PKP1: variants seen among roughly 807,000 people sequenced by gnomAD.
PKP1 encodes the protein plakophilin-1.
Under a neutral mutation model 76.4 loss-of-function variants are expected in PKP1, and 27 were observed. The observed-to-expected ratio is 0.35, with a 90% CI of 0.26 to 0.49. PKP1 has a LOEUF of 0.49. Among genes scored for constraint, PKP1 ranks in the 20% least tolerant of loss-of-function variants. The pLI, the probability that PKP1 is intolerant of heterozygous loss-of-function variation, is 0.99. For synonymous variants in PKP1, 404 were observed against 384.2 expected (o/e 1.05, Z -0.60); for missense variants, 964 against 955.2 (o/e 1.01, Z -0.12).
chr1:201,313,159 T>G lies in PKP1; in HGVS notation c.307-7T>G. On this transcript the variant is annotated splice_polypyrimidine_tract_variant and splice_region_variant and intron_variant, in intron 2 of 13. Transcript: ENST00000367324. Reference sequence around the variant, plus strand: ...TTGACTGAGCTTTTCTCCCTTTCCCTGGCCAGATCTACAATGGAACCCTCA... The same window carrying G: ...TTGACTGAGCTTTTCTCCCTTTCCCGGGCCAGATCTACAATGGAACCCTCA... 6.2e-7 allele frequency: 1 copy of G among 1,609,592 alleles called. No individual in the cohort carries two copies. The highest frequency in any genetic ancestry group is 8.5e-7 in the Non-Finnish European group (1 of 1,178,440).
At chr1:201,292,215 G>A (rs760556307) in intron 1 of PKP1, among the ~76,000 whole-genome samples, 8 of 152,084 alleles carry the variant, frequency 5.3e-5, no homozygotes, top group African/African-American at 1.2e-4. Context: ...AGGAGGAGTC[G>A]GCTCCTCTGA....
chr1:201,321,128 C>T (rs1427854207), intron 7 of PKP1, among the ~76,000 whole-genome samples: 11 of 152,138 alleles, frequency 7.2e-5, no homozygotes, highest in African/African-American at 2.2e-4. Flanking sequence ...AGCACAGTTG[C>T]CGTAAGGAGG....
At chr1:201,285,476 C>T (rs1310737295) in intron 1 of PKP1, among the ~76,000 whole-genome samples, 1 of 152,178 alleles carries the variant, frequency 6.6e-6, no homozygotes, top group African/African-American at 2.4e-5. Context: ...GATCATGCCA[C>T]CTCCAGAGCA....
chr1:201,327,989 G>A (rs895886679), intron 12 of PKP1, among the ~76,000 whole-genome samples: 1 of 152,206 alleles, frequency 6.6e-6, no homozygotes, highest in African/African-American at 2.4e-5. Context: ...AAAGACAGGA[G>A]GGGCAGGGCT....
chr1:201,320,423 C>G, intron 7 of PKP1, 42 bp downstream of exon 7: 6 of 1,306,074 alleles, frequency 4.6e-6, no homozygotes, highest in Non-Finnish European at 6.7e-6. Context: ...CTAGGCCCAG[C>G]CCCCTACATT....
chr1:201,312,468 C>G (rs1656584228), intron 2 of PKP1, among the ~76,000 whole-genome samples: 1 of 152,160 alleles, frequency 6.6e-6, no homozygotes, highest in South Asian at 2.1e-4. Flanking sequence ...TCTGGGCCTC[C>G]AACTCCCCCT....
intron 2 of PKP1, 152 bp downstream of exon 2, chr1:201,294,197 C>A: frequency 1.4e-6 from 1 of 694,458 alleles, no homozygotes; most frequent in Non-Finnish European, 2.7e-6. Context: ...GGTCTGTTGA[C>A]TTGGCCATTG....
intron 5 of PKP1, 58 bp downstream of exon 5, chr1:201,317,837 G>A (rs1656809851): frequency 2.0e-6 from 3 of 1,511,540 alleles, no homozygotes; most frequent in Non-Finnish European, 2.7e-6. Flanking sequence ...CACTGGCTAT[G>A]GCCCCAGGCT....
At chr1:201,289,663 C>A (rs1655852791) in intron 1 of PKP1, among the ~76,000 whole-genome samples, 1 of 149,410 alleles carries the variant, frequency 6.7e-6, no homozygotes, top group Non-Finnish European at 1.5e-5. Context: ...TTGGGGAGAC[C>A]CAGGCCCTAC....
In PKP1 at chr1:201,313,445, A is replaced by C; in HGVS notation, c.586A>C (p.Ile196Leu). Residue 196 changes from isoleucine to leucine, a missense_variant, in exon 3 of 14, where the codon ATA becomes CTA. Transcript: ENST00000367324. ...FYSTCSGQKA[I>L]KKCPVRPPSC... ...CAGCACCTGCAGTGGTCAGAAGGCC[A>C]TAAAGAAGTGCCCTGTGCGCCCGCC... 3 of 1,606,026 alleles carry C rather than the reference A, an allele frequency of 1.9e-6. No individual in the cohort carries two copies. The South Asian group carries it at 3.4e-5, about 18-fold the overall frequency.
At chr1:201,291,056 G>A (rs1655901634) in intron 1 of PKP1, among the ~76,000 whole-genome samples, 1 of 152,172 alleles carries the variant, frequency 6.6e-6, no homozygotes, top group Non-Finnish European at 1.5e-5. Context: ...TGCTCTTACA[G>A]ACAGAGCACA....
chr1:201,320,403 AC>A, intron 7 of PKP1, 22 bp downstream of exon 7: 1 of 1,491,780 alleles, frequency 6.7e-7, no homozygotes, highest in South Asian at 1.1e-5. Flanking sequence ...CCCTGGTGGC[AC>A]CCTGACCCCT....
At chr1:201,323,322 T>C in intron 9 of PKP1, 133 bp downstream of exon 9, 1 of 822,244 alleles carries the variant, frequency 1.2e-6, no homozygotes, top group South Asian at 1.4e-5. Flanking sequence ...GCCTGGCATA[T>C]GCTGGGCTCT....
At chr1:201,312,223 C>T (rs998058866) in intron 2 of PKP1, among the ~76,000 whole-genome samples, 7 of 152,312 alleles carry the variant, frequency 4.6e-5, no homozygotes, top group Admixed American at 2.6e-4. Context: ...GACCTGTTAC[C>T]CTTTGCTTCT....
In PKP1 at chr1:201,317,661, C is replaced by G; in HGVS notation, c.936C>G (p.Arg312=). 6.2e-7 allele frequency: 1 copy of G among 1,614,026 alleles called. No homozygotes were observed. Among genetic ancestry groups the G allele is most frequent in the South Asian group, 1.1e-5 (1 of 91,080 alleles). Residue 312 remains arginine (R), a synonymous_variant, in exon 5 of 14, where the codon CGC becomes CGG. Transcript: ENST00000367324. ...AGCAGGCCGCGGCAGGGGCCCTGCG[C>G]AACCTGGTGTTCAGGAGCACCACCA... ...NVQQAAAGAL[R]NLVFRSTTNK... is the part of the protein sequence containing the mutation.
intron 5 of PKP1, among the ~76,000 whole-genome samples, chr1:201,318,373 G>A (rs1179166469): frequency 2.0e-5 from 3 of 152,206 alleles, no homozygotes; most frequent in Non-Finnish European, 2.9e-5. Flanking sequence ...CTTTCCACAT[G>A]CATAATTTTG....
chr1:201,317,026 C>T (rs1311328749), intron 4 of PKP1, among the ~76,000 whole-genome samples: 1 of 152,160 alleles, frequency 6.6e-6, no homozygotes, highest in African/African-American at 2.4e-5. Context: ...AACTCCTGCC[C>T]TCCTACCTGC....
intron 3 of PKP1, 134 bp downstream of exon 3, chr1:201,313,694 C>T (rs1656638093): frequency 1.0e-6 from 1 of 963,000 alleles, no homozygotes; most frequent in Non-Finnish European, 1.5e-6. Flanking sequence ...AGTTCATTGC[C>T]CCTGGTGTAA....
chr1:201,319,725 T>C lies in PKP1; in HGVS notation c.1233-542T>C, dbSNP rs536384346. 7 of 1,296,014 alleles carry C rather than the reference T, an allele frequency of 5.4e-6. No individual in the cohort carries two copies. In the South Asian group the frequency reaches 8.3e-5, roughly 15 times the overall value. 80.3% of individuals were successfully genotyped at this position (1,296,014 alleles called of 1,614,324 possible). Reference sequence around the variant, plus strand: ...CCTACTGCTGGGGGCAGAACACAGCTTGGGTGGAGAGGGAGCTTCTGGTGC... The same window carrying C: ...CCTACTGCTGGGGGCAGAACACAGCCTGGGTGGAGAGGGAGCTTCTGGTGC... On this transcript the variant is annotated intron_variant, in intron 6 of 13. Transcript: ENST00000367324.
Sources: allele counts gnomAD v4.1 joint callset (sites outside exome capture counted in the v4.1 genomes callset), GRCh38; gene constraint gnomAD v4.1.1; transcripts MANE v1.5; gene names NCBI Gene and HGNC (gene_info 2026-07-23, HGNC 2026-07-21).